The following NR6A1 variants were observed in gnomAD, a reference collection of about 807,000 sequenced individuals.
NR6A1 encodes nuclear receptor subfamily 6 group A member 1, also known as retinoic acid receptor-related testis-associated receptor.
NR6A1 carries 7 observed loss-of-function variants against 59.1 expected under a neutral mutation model. The observed-to-expected ratio is 0.12, with a 90% CI of 0.07 to 0.22. The LOEUF is 0.22. Ranked by LOEUF, NR6A1 falls within the 10% of genes least tolerant of loss-of-function variation. The probability of loss-of-function intolerance (pLI) is 1.00; values close to 1 mark genes in which losing one functional copy is unlikely to be tolerated. For missense variants in NR6A1, 468 were observed against 611.6 expected (o/e 0.77, Z 2.48); for synonymous variants, 243 against 236.1 (o/e 1.03, Z -0.27).
chr9:124,759,481 G>C (rs1295964284), intron 1 of NR6A1, among the ~76,000 whole-genome samples: 1 of 152,172 alleles, frequency 6.6e-6, no homozygotes, highest in East Asian at 1.9e-4. Flanking sequence ...TAGCTGAAAA[G>C]CACATTCCTT....
intron 2 of NR6A1, among the ~76,000 whole-genome samples, chr9:124,641,562 T>C (rs1283441748): frequency 6.6e-6 from 1 of 152,112 alleles, no homozygotes; most frequent in Non-Finnish European, 1.5e-5. Flanking sequence ...TAGCCAAGCA[T>C]GGTGTTGCAT....
At chr9:124,537,745 T>A (rs1833312971) in intron 6 of NR6A1, among the ~76,000 whole-genome samples, 1 of 152,110 alleles carries the variant, frequency 6.6e-6, no homozygotes, top group African/African-American at 2.4e-5. Flanking sequence ...TGAAGGAGCC[T>A]ATATCCGATA....
intron 2 of NR6A1, among the ~76,000 whole-genome samples, chr9:124,600,947 G>C (rs78498023): frequency 6.7e-6 from 1 of 149,906 alleles, no homozygotes. Flanking sequence ...GACTGGCTGT[G>C]GGGGAAAAAA....
At chr9:124,730,619 C>G (rs927701212) in intron 2 of NR6A1, among the ~76,000 whole-genome samples, 4 of 132,282 alleles carry the variant, frequency 3.0e-5, no homozygotes, top group African/African-American at 1.2e-4. Flanking sequence ...GTCTCAATGT[C>G]TGTTCATTCT....
chr9:124,554,496 C>T lies in NR6A1; in HGVS notation c.217G>A (p.Gly73Arg). ...CGDRATGLHY[G>R]IISCEGCKGF... ...TTGCAGCCCTCACAGGAGATGATCC[C>T]ATAGTGCAAGCCTGTAGCGCGGTCC... Residue 73 changes from glycine to arginine, a missense_variant, in exon 3 of 10, where the codon GGG becomes AGG. Coordinates refer to ENST00000487099, the MANE Select transcript of NR6A1 (RefSeq NM_033334.4). The T allele has an allele frequency of 6.2e-7, 1 of 1,614,196 alleles. No homozygotes were observed. Among genetic ancestry groups the T allele is most frequent in the Non-Finnish European group, 8.5e-7 (1 of 1,180,040 alleles).
chr9:124,581,294 A>C (rs1416545622), intron 2 of NR6A1, among the ~76,000 whole-genome samples: 3 of 152,178 alleles, frequency 2.0e-5, no homozygotes, highest in Admixed American at 6.5e-5. Context: ...TCTGCACAGC[A>C]AAAGAAACTA....
At chr9:124,680,477 C>T (rs549962179) in intron 2 of NR6A1, among the ~76,000 whole-genome samples, 1 of 151,946 alleles carries the variant, frequency 6.6e-6, no homozygotes, top group African/African-American at 2.4e-5. Flanking sequence ...TATGAACACA[C>T]ACAAAAAAAA....
At chr9:124,531,631 C>T (rs1833100658) in intron 7 of NR6A1, among the ~76,000 whole-genome samples, 1 of 152,132 alleles carries the variant, frequency 6.6e-6, no homozygotes, top group Non-Finnish European at 1.5e-5. Flanking sequence ...TTCCTATGAC[C>T]TCCTAGGCAG....
intron 2 of NR6A1, among the ~76,000 whole-genome samples, chr9:124,620,530 C>T (rs1403000194): frequency 6.6e-6 from 1 of 152,174 alleles, no homozygotes; most frequent in African/African-American, 2.4e-5. Flanking sequence ...ATGGCACGGA[C>T]AAACTTCAAA....
chr9:124,539,883 A>ATCTTCCTGACCCCTACTCC (rs1833388592), intron 5 of NR6A1, 150 bp downstream of exon 5: 1 of 863,976 alleles, frequency 1.2e-6, no homozygotes, highest in Non-Finnish European at 1.7e-6. Flanking sequence ...ACTGTTTTTA[A>ATCTTCCTGACCCCTACTCC]TCTTCCTGAC....
intron 2 of NR6A1, among the ~76,000 whole-genome samples, chr9:124,661,112 G>A (rs926943015): frequency 2.6e-5 from 4 of 151,952 alleles, no homozygotes; most frequent in Non-Finnish European, 5.9e-5. Context: ...AAACTTCCGA[G>A]TTCTGGGTTG....
chr9:124,618,929 T>C (rs1835979885), intron 2 of NR6A1, among the ~76,000 whole-genome samples: 1 of 152,144 alleles, frequency 6.6e-6, no homozygotes, highest in Admixed American at 6.5e-5. Flanking sequence ...TACCACCATT[T>C]GGGGGAGGAC....
intron 2 of NR6A1, among the ~76,000 whole-genome samples, chr9:124,673,304 G>A (rs538032563): frequency 3.1e-4 from 47 of 152,138 alleles, no homozygotes; most frequent in South Asian, 8.3e-4. Flanking sequence ...CACCAGCTGA[G>A]TGACAAGAAA....
At chr9:124,547,359 G>A (rs1404671830) in intron 3 of NR6A1, among the ~76,000 whole-genome samples, 1 of 152,194 alleles carries the variant, frequency 6.6e-6, no homozygotes, top group African/African-American at 2.4e-5. Flanking sequence ...CCTTAGCATG[G>A]CATTCAAGAC....
chr9:124,720,085 T>TCAGA (rs1338946001), intron 2 of NR6A1, among the ~76,000 whole-genome samples: 1 of 152,192 alleles, frequency 6.6e-6, no homozygotes, highest in African/African-American at 2.4e-5. Context: ...TTTGCTCTTG[T>TCAGA]CACCCAGGCT....
intron 2 of NR6A1, among the ~76,000 whole-genome samples, chr9:124,660,122 T>C (rs1367232633): frequency 6.6e-6 from 1 of 152,220 alleles, no homozygotes; most frequent in African/African-American, 2.4e-5. Flanking sequence ...AAGATAACTA[T>C]GCTATAATAA....
In NR6A1 at chr9:124,723,636, G is replaced by A. The variant is rs1007135421; in HGVS notation, c.142+9672C>T. ...ACAGTTTCAACAGCCCATTAGTGCA[G>A]AAAGACTGAGAATTTCAACATTATA... is the stretch of plus-strand genomic sequence containing the variant. On this transcript the variant is annotated intron_variant, in intron 2 of 9. Coordinates refer to ENST00000487099, the MANE Select transcript of NR6A1 (RefSeq NM_033334.4). Among the ~76,000 whole-genome samples the A allele has an allele frequency of 2.6e-5, 4 of 152,182 alleles. No individual in the cohort carries two copies. The East Asian group carries it at 5.8e-4, about 22-fold the overall frequency.
chr9:124,692,773 T>C (rs534327185), intron 2 of NR6A1, among the ~76,000 whole-genome samples: 1 of 152,236 alleles, frequency 6.6e-6, no homozygotes, highest in Non-Finnish European at 1.5e-5. Context: ...CATGATGATA[T>C]CTAATGTACC....
intron 7 of NR6A1, among the ~76,000 whole-genome samples, chr9:124,527,356 C>T (rs1832967100): frequency 6.6e-6 from 1 of 152,178 alleles, no homozygotes; most frequent in African/African-American, 2.4e-5. Flanking sequence ...GAGCCTCTGC[C>T]ACACTGCAAA....
Sources: allele counts gnomAD v4.1 joint callset (sites outside exome capture counted in the v4.1 genomes callset), GRCh38; gene constraint gnomAD v4.1.1; transcripts MANE v1.5; gene names NCBI Gene and HGNC (gene_info 2026-07-23, HGNC 2026-07-21).